Variants in KIF25 observed in about 807,000 individuals in gnomAD.
The protein encoded by KIF25 is kinesin family member 25.
A neutral mutation model predicts 32.9 loss-of-function variants in KIF25; 19 were observed. The observed-to-expected ratio is 0.58, with a 90% CI of 0.40 to 0.85. The LOEUF is 0.85. KIF25 is among the 40% of genes least tolerant of loss of function. The pLI is 0.00. For missense variants in KIF25, 485 were observed against 507.0 expected, an observed-to-expected ratio of 0.96 and a Z score of 0.42; for synonymous variants, 225 against 213.7, an observed-to-expected ratio of 1.05 and a Z score of -0.46.
intron 4 of KIF25, among the ~76,000 whole-genome samples, chr6:168,012,430 TG>T (rs1798660024): frequency 6.6e-6 from 1 of 152,200 alleles, no homozygotes; most frequent in African/African-American, 2.4e-5. Flanking sequence ...TAGTGGTGTT[TG>T]TGAGTTTCTC....
intron 9 of KIF25, 120 bp from the exon 10 acceptor site, chr6:168,039,945 G>A: frequency 2.4e-6 from 3 of 1,259,644 alleles, no homozygotes; most frequent in South Asian, 1.7e-5. Context: ...ACTGGCTTCA[G>A]TACCCCACTG....
At chr6:168,024,899 A>G (rs1487439649) in intron 5 of KIF25, among the ~76,000 whole-genome samples, 1 of 151,992 alleles carries the variant, frequency 6.6e-6, no homozygotes, top group Non-Finnish European at 1.5e-5. Flanking sequence ...AAAAATACAA[A>G]AATTAGCTGG....
intron 5 of KIF25, among the ~76,000 whole-genome samples, chr6:168,019,610 G>C (rs902801406): frequency 7.2e-5 from 11 of 152,196 alleles, no homozygotes; most frequent in Non-Finnish European, 1.6e-4. Context: ...GGGACGGCTG[G>C]GCTGACGCAA....
At chr6:168,039,176 A>T (rs1242100739) in intron 9 of KIF25, among the ~76,000 whole-genome samples, 2 of 152,186 alleles carry the variant, frequency 1.3e-5, no homozygotes, top group Non-Finnish European at 2.9e-5. Flanking sequence ...ATGTATCTTT[A>T]AAAAAACCTT....
At chr6:168,034,996 A>G (rs1027366826) in intron 8 of KIF25, among the ~76,000 whole-genome samples, 3 of 152,118 alleles carry the variant, frequency 2.0e-5, no homozygotes, top group African/African-American at 7.2e-5. Flanking sequence ...ATATTCAACC[A>G]GTCATTTTTC....
intron 5 of KIF25, among the ~76,000 whole-genome samples, chr6:168,020,722 T>C (rs976872823): frequency 6.6e-6 from 1 of 151,582 alleles, no homozygotes; most frequent in Non-Finnish European, 1.5e-5. Flanking sequence ...GCTAGAGATA[T>C]ATACAATAAG....
In KIF25 at chr6:168,040,186, C is replaced by T. The variant is rs761129605; in HGVS notation, c.616C>T (p.Leu206=). The T allele has an allele frequency of 1.9e-6, 3 of 1,613,662 alleles. No individual in the cohort carries two copies. The African/African-American group carries it at 4.0e-5, about 22-fold the overall frequency. ...GTCTCACCTGATAATTACGGTGACT[C>T]TAACCACAGCCTCCTGCTCTGACAG... ...SRSHLIITVT[L]TTASCSDSTA... The change falls in exon 10 of 13, where the codon CTA becomes TTA. Residue 206 remains leucine, a synonymous_variant. Transcript: ENST00000643607.
chr6:168,042,831 G>A, intron 12 of KIF25, 115 bp downstream of exon 12: 1 of 1,254,472 alleles, frequency 8.0e-7, no homozygotes, highest in Non-Finnish European at 1.1e-6. Flanking sequence ...TGCACCTCCT[G>A]TGTCCTCGCT....
chr6:168,041,960 C>T lies in KIF25; in HGVS notation c.647-9C>T. 1 of 1,551,142 alleles carries T rather than the reference C, an allele frequency of 6.4e-7. No individual in the cohort carries two copies. Among genetic ancestry groups the T allele is most frequent in the Admixed American group, 2.0e-5 (1 of 50,998 alleles). ...GTTTTCCTCCTCGTCGCTCCTTGGT[C>T]CCTTGCAGCAGACCAAGCCTGCAGT... On this transcript the variant is annotated splice_polypyrimidine_tract_variant and intron_variant, in intron 10 of 12. Transcript: ENST00000643607.
chr6:168,015,110 C>T (rs540083974), intron 4 of KIF25, among the ~76,000 whole-genome samples: 9 of 152,226 alleles, frequency 5.9e-5, no homozygotes, highest in African/African-American at 1.2e-4. Flanking sequence ...TCTTTTTTAA[C>T]GTGGGTTCGC....
chr6:168,031,335 C>T (rs971296758), intron 7 of KIF25, among the ~76,000 whole-genome samples: 5 of 152,134 alleles, frequency 3.3e-5, no homozygotes, highest in Non-Finnish European at 5.9e-5. Context: ...ACACCTTAAG[C>T]CAATACTTTC....
intron 5 of KIF25, among the ~76,000 whole-genome samples, chr6:168,027,486 G>GAAAGA (rs1023646950): frequency 2.0e-5 from 3 of 149,098 alleles, no homozygotes; most frequent in Non-Finnish European, 3.0e-5. Flanking sequence ...GAGAGAGAGA[G>GAAAGA]AAAGAAAAAG....
chr6:168,012,259 A>G (rs1374272801), intron 4 of KIF25, among the ~76,000 whole-genome samples: 1 of 152,030 alleles, frequency 6.6e-6, no homozygotes, highest in African/African-American at 2.4e-5. Flanking sequence ...CTGCTTTTTC[A>G]TGGTTGCTGT....
intron 4 of KIF25, among the ~76,000 whole-genome samples, chr6:168,009,630 A>G (rs977544934): frequency 2.0e-5 from 3 of 152,106 alleles, no homozygotes; most frequent in African/African-American, 7.2e-5. Context: ...TTTTTTTGCA[A>G]TAGTTTCAGA....
intron 4 of KIF25, among the ~76,000 whole-genome samples, chr6:168,007,355 G>A (rs185087613): frequency 2.6e-4 from 40 of 152,292 alleles, no homozygotes; most frequent in African/African-American, 7.7e-4. Context: ...AGGCTGCAGT[G>A]AGCTGAGATT....
chr6:168,032,237 G>A (rs1798952011), intron 7 of KIF25, among the ~76,000 whole-genome samples: 1 of 152,356 alleles, frequency 6.6e-6, no homozygotes, highest in South Asian at 2.1e-4. Flanking sequence ...CCTGGCCAAG[G>A]AGGAAGTCCA....
In KIF25 at chr6:167,999,162, G is replaced by T. The variant is rs186287005; in HGVS notation, c.-528G>T. ...TCTCAGGAGCTGGTGCCCGGTGCAC[G>T]TTCAGTGGGGGATGCTCCGCAGTGC... On this transcript the variant is annotated 5_prime_UTR_variant, in exon 2 of 13. Coordinates refer to ENST00000643607, the MANE Select transcript of KIF25 (RefSeq NM_030615.4). The T allele has an allele frequency of 6.6e-5, 10 of 152,452 alleles. No homozygotes were observed. Among genetic ancestry groups the T allele is most frequent in the Admixed American group, 5.9e-4 (9 of 15,312 alleles). 9.4% of individuals were successfully genotyped at this position (152,452 alleles called of 1,614,324 possible).
intron 8 of KIF25, among the ~76,000 whole-genome samples, chr6:168,035,246 A>G (rs1798999467): frequency 6.6e-6 from 1 of 151,412 alleles, no homozygotes; most frequent in Non-Finnish European, 1.5e-5. Context: ...TCGGCTTCGC[A>G]GTGTTCCCAG....
intron 9 of KIF25, 35 bp from the exon 10 acceptor site, chr6:168,040,030 C>T: frequency 1.3e-6 from 2 of 1,588,050 alleles, no homozygotes; most frequent in Non-Finnish European, 1.7e-6. Context: ...GGGGGCCGCC[C>T]TCACTGTGTT....
Sources: gnomAD v4.1 joint callset for allele counts (sites outside exome capture counted in the v4.1 genomes callset) on GRCh38, gnomAD v4.1.1 for gene constraint, MANE v1.5 for transcripts, NCBI Gene and HGNC (gene_info 2026-07-23, HGNC 2026-07-21) for gene names.